Variants in CTNNA1 observed in about 807,000 individuals in gnomAD.
CTNNA1 encodes the protein catenin alpha 1.
CTNNA1 carries 37 observed loss-of-function variants against 98.4 expected under a neutral mutation model. The ratio of observed to expected loss-of-function variants is 0.38; its 90% confidence interval spans 0.29 to 0.49. The LOEUF is 0.49. Among genes scored for constraint, CTNNA1 ranks in the 20% least tolerant of loss-of-function variants. The pLI, the probability that CTNNA1 is intolerant of heterozygous loss-of-function variation, is 0.95. For missense variants in CTNNA1, 761 were observed against 1,147.2 expected (o/e 0.66, Z 4.86); for synonymous variants, 404 against 413.2 (o/e 0.98, Z 0.27).
At chr5:138,833,470 A>T (rs1438800855) in intron 7 of CTNNA1, among the ~76,000 whole-genome samples, 4 of 152,222 alleles carry the variant, frequency 2.6e-5, no homozygotes, top group Admixed American at 1.3e-4. Flanking sequence ...ATTATTTTAG[A>T]TATATTGGGT....
At chr5:138,811,933 G>GGGGAGA (rs1341928344) in intron 4 of CTNNA1, 2 of 348,342 alleles carry the variant, frequency 5.7e-6, no homozygotes, top group Non-Finnish European at 1.1e-5. Flanking sequence ...GGGAGACCGT[G>GGGGAGA]GGGAGAGGGA....
chr5:138,761,739 A>G (rs1284401634), intron 1 of CTNNA1, among the ~76,000 whole-genome samples: 1 of 152,100 alleles, frequency 6.6e-6, no homozygotes, highest in Non-Finnish European at 1.5e-5. Flanking sequence ...CAAGTGACCA[A>G]AACCACACAC....
At chr5:138,858,521 C>CA (rs910898437) in intron 7 of CTNNA1, among the ~76,000 whole-genome samples, 5 of 151,862 alleles carry the variant, frequency 3.3e-5, no homozygotes, top group Admixed American at 1.3e-4. Context: ...CCTTGTAACC[C>CA]AAGCCTCTAT....
At position 138,794,352 on chromosome 5, in the gene CTNNA1, T is replaced by TAA. The variant is rs900080061; in HGVS notation, c.301+10989_301+10990dup. Among the ~76,000 whole-genome samples, 35 of 148,142 alleles carry TAA rather than the reference T, an allele frequency of 2.4e-4. No individual in the cohort carries two copies. The East Asian group carries it at 6.4e-3, about 27-fold the overall frequency. On this transcript the variant is annotated intron_variant, in intron 3 of 17. Transcript: ENST00000302763. ...CAAAAGATAAACAGTTGTGTGGATT[T>TAA]AAAAAAAAAACAAAAAAACAACTGC...
chr5:138,929,962 G>A (rs546779166), intron 14 of CTNNA1, among the ~76,000 whole-genome samples: 337 of 152,284 alleles, frequency 2.2e-3, no homozygotes, highest in African/African-American at 7.4e-3. Flanking sequence ...CTCCCCAGCC[G>A]TAGGTCTGTG....
intron 10 of CTNNA1, among the ~76,000 whole-genome samples, chr5:138,905,688 C>G (rs775061844): frequency 4.6e-5 from 7 of 152,210 alleles, no homozygotes; most frequent in Non-Finnish European, 7.3e-5. Context: ...CACATGACAG[C>G]GAATGCTTTT....
intron 7 of CTNNA1, chr5:138,875,184 G>A (rs1751219561): frequency 5.6e-6 from 2 of 356,930 alleles, no homozygotes; most frequent in Non-Finnish European, 4.9e-6. Context: ...CTGCTCAGCT[G>A]GTTAATCAAA....
At chr5:138,877,134 A>G (rs1561631531) in intron 7 of CTNNA1, among the ~76,000 whole-genome samples, 1 of 152,222 alleles carries the variant, frequency 6.6e-6, no homozygotes, top group Admixed American at 6.5e-5. Flanking sequence ...CTGCACTAGT[A>G]CGTCCTCTTT....
At chr5:138,768,196 G>A (rs892090575) in intron 1 of CTNNA1, among the ~76,000 whole-genome samples, 1 of 152,156 alleles carries the variant, frequency 6.6e-6, no homozygotes, top group South Asian at 2.1e-4. Flanking sequence ...TGGCATTTTT[G>A]TATAGTTTAG....
intron 7 of CTNNA1, among the ~76,000 whole-genome samples, chr5:138,882,767 A>G (rs1753207191): frequency 6.6e-6 from 1 of 152,236 alleles, no homozygotes; most frequent in South Asian, 2.1e-4. Context: ...ATTTTTGTTC[A>G]GTTAATGCTA....
At chr5:138,799,005 T>G (rs1389245228) in intron 3 of CTNNA1, among the ~76,000 whole-genome samples, 2 of 152,122 alleles carry the variant, frequency 1.3e-5, no homozygotes, top group Non-Finnish European at 2.9e-5. Flanking sequence ...AAAAAAAATT[T>G]TTTTTGAGAT....
chr5:138,892,594 G>T (rs995098225), intron 9 of CTNNA1, among the ~76,000 whole-genome samples: 1 of 151,554 alleles, frequency 6.6e-6, no homozygotes, highest in African/African-American at 2.4e-5. Flanking sequence ...CGCCCGCCTC[G>T]GCCTCCCAGA....
intron 1 of CTNNA1, among the ~76,000 whole-genome samples, chr5:138,767,683 C>T (rs1051204662): frequency 6.6e-6 from 1 of 152,168 alleles, no homozygotes; most frequent in African/African-American, 2.4e-5. Context: ...GCTTGATTTA[C>T]CAGCTGACCA....
intron 10 of CTNNA1, among the ~76,000 whole-genome samples, chr5:138,915,803 C>G (rs530045131): frequency 1.9e-4 from 29 of 152,332 alleles, no homozygotes; most frequent in African/African-American, 7.0e-4. Flanking sequence ...GGAGCAGTGG[C>G]TCATGCCTGT....
At chr5:138,818,765 G>C (rs1024445396) in intron 5 of CTNNA1, among the ~76,000 whole-genome samples, 2 of 152,142 alleles carry the variant, frequency 1.3e-5, no homozygotes, top group Non-Finnish European at 2.9e-5. Context: ...TTAGCTGACT[G>C]GGTCCCTGGT....
chr5:138,834,594 G>A (rs928305196), intron 7 of CTNNA1, among the ~76,000 whole-genome samples: 2 of 152,032 alleles, frequency 1.3e-5, no homozygotes, highest in African/African-American at 2.4e-5. Flanking sequence ...ATTGTACATC[G>A]TCCCAAGTTA....
At chr5:138,930,701 T>C (rs1196988166) in intron 15 of CTNNA1, 47 bp downstream of exon 15, 4 of 1,586,822 alleles carry the variant, frequency 2.5e-6, no homozygotes, top group Non-Finnish European at 3.4e-6. Context: ...GCTACTTTCT[T>C]CCCCACAGGT....
intron 9 of CTNNA1, among the ~76,000 whole-genome samples, chr5:138,898,806 ATAG>A (rs1297500762): frequency 1.3e-5 from 2 of 152,152 alleles, no homozygotes. Context: ...TGGTAGTTAA[ATAG>A]TAGACTTTCT....
chr5:138,833,066 C>T (rs1348433571), intron 7 of CTNNA1, among the ~76,000 whole-genome samples: 1 of 152,170 alleles, frequency 6.6e-6, no homozygotes, highest in Non-Finnish European at 1.5e-5. Context: ...GTCTCTGTTA[C>T]CATACCCCCC....
Sources: allele counts gnomAD v4.1 joint callset (sites outside exome capture counted in the v4.1 genomes callset), GRCh38; gene constraint gnomAD v4.1.1; transcripts MANE v1.5; gene names NCBI Gene and HGNC (gene_info 2026-07-23, HGNC 2026-07-21).